FGFR4: variants seen among roughly 807,000 people sequenced by gnomAD.
FGFR4 encodes hydroxyaryl-protein kinase.
In FGFR4, 63 loss-of-function variants were observed where a neutral mutation model predicts 89.9. That is an observed-to-expected ratio of 0.70 (90% confidence interval 0.57 to 0.86). FGFR4 has a LOEUF of 0.86. Among genes scored for constraint, FGFR4 ranks in the 40% least tolerant of loss-of-function variants. FGFR4 has a pLI of 0.00. For synonymous variants in FGFR4, 486 were observed against 479.4 expected (o/e 1.01, Z -0.18); for missense variants, 928 against 1,106.7 (o/e 0.84, Z 2.29).
At chr5:177,089,936 T>C in intron 2 of FGFR4, 1 of 702,720 alleles carries the variant, frequency 1.4e-6, no homozygotes, top group Non-Finnish European at 2.6e-6. Context: ...GCTGCAGAGC[T>C]GGTGGTGAGC....
Position 177,093,871 on chromosome 5 carries a change from A to T in FGFR4, c.1519+96A>T. The T allele has an allele frequency of 7.2e-7, 1 of 1,393,158 alleles. No individual in the cohort carries two copies. The highest frequency in any genetic ancestry group is 9.7e-7 in the Non-Finnish European group (1 of 1,030,358). 86.3% of individuals were successfully genotyped at this position (1,393,158 alleles called of 1,614,324 possible). On this transcript the variant is annotated intron_variant, in intron 11 of 17. Transcript: ENST00000292408. This position sits in a 1 kb window ranked among gnomAD's most constrained non-coding sequence, Gnocchi z 5.8. ...CGCTTGAATCCAGGAATTCGAGGCC[A>T]GCCTGGGCAACATGGCAAGACTTCA...
At position 177,096,086 on chromosome 5, in the gene FGFR4, T is replaced by C. The variant is rs767857133; in HGVS notation, c.1851T>C (p.Asn617=). The C allele has an allele frequency of 3.1e-6, 5 of 1,614,084 alleles. No individual in the cohort carries two copies. The highest frequency in any genetic ancestry group is 4.2e-6 in the Non-Finnish European group (5 of 1,180,002). ...TCCACCGGGACCTGGCTGCCCGCAATGTGCTGGTGACTGAGGACAATGTGA... is the reference window on the plus strand; with the variant it reads ...TCCACCGGGACCTGGCTGCCCGCAACGTGCTGGTGACTGAGGACAATGTGA... ...KCIHRDLAAR[N]VLVTEDNVMK... is the part of the protein sequence containing the mutation. Residue 617 remains asparagine (N), a synonymous_variant, in exon 14 of 18, where the codon AAT becomes AAC. Transcript: ENST00000292408.
chr5:177,091,690 C>T lies in FGFR4; in HGVS notation c.609C>T (p.Arg203=). The T allele has an allele frequency of 6.2e-7, 1 of 1,614,210 alleles. No homozygotes were observed. Among genetic ancestry groups the T allele is most frequent in the Non-Finnish European group, 8.5e-7 (1 of 1,180,030 alleles). Reference sequence around the variant, plus strand: ...GACACTCTCTCTGCCTGCAGCTGCGCCATCAGCACTGGAGTCTCGTGATGG... The same window carrying T: ...GACACTCTCTCTGCCTGCAGCTGCGTCATCAGCACTGGAGTCTCGTGATGG... ...GENRIGGIRL[R]HQHWSLVMES... Residue 203 remains arginine (R), a synonymous_variant, in exon 6 of 18, where the codon CGC becomes CGT. Coordinates refer to ENST00000292408, the MANE Select transcript of FGFR4 (RefSeq NM_213647.3).
chr5:177,093,649 T>C lies in FGFR4; in HGVS notation c.1398-5T>C. On this transcript the variant is annotated splice_region_variant and splice_polypyrimidine_tract_variant and intron_variant, in intron 10 of 17. Transcript: ENST00000292408. This position sits in a 1 kb window ranked among gnomAD's most constrained non-coding sequence, Gnocchi z 5.8. ...GGTCTGAGGCTGGACTTTCTCCATCTCCAGGCTGGTGCTTGGGAAGCCCCT... is the reference window on the plus strand; with the variant it reads ...GGTCTGAGGCTGGACTTTCTCCATCCCCAGGCTGGTGCTTGGGAAGCCCCT... 3 of 1,614,166 alleles carry C rather than the reference T, an allele frequency of 1.9e-6. No individual in the cohort carries two copies. The highest frequency in any genetic ancestry group is 2.5e-6 in the Non-Finnish European group (3 of 1,180,026).
intron 8 of FGFR4, 74 bp downstream of exon 8, chr5:177,092,858 G>A (rs1042794950): frequency 4.5e-5 from 72 of 1,609,330 alleles, no homozygotes; most frequent in Non-Finnish European, 6.1e-5. Context: ...GGCCTGTTGG[G>A]TGGTCAGTCT....
chr5:177,097,474 C>T (rs780065696), intron 17 of FGFR4, 53 bp from the exon 18 acceptor site: 25 of 1,601,926 alleles, frequency 1.6e-5, no homozygotes, highest in African/African-American at 2.7e-5. Flanking sequence ...CGTGGACATG[C>T]GCCCCGTCCC....
At position 177,097,725 on chromosome 5, in the gene FGFR4, G is replaced by C. The variant is rs780927207; in HGVS notation, c.*49G>C. The stretch of plus-strand genomic sequence containing the variant: ...ACATAGGCTGGTGGCCTTGGGCCTT[G>C]GGGCTCAGCCACAGCCTGACACAGT... On this transcript the variant is annotated 3_prime_UTR_variant, in exon 18 of 18. Transcript: ENST00000292408. 8 of 1,591,280 alleles carry C rather than the reference G, an allele frequency of 5.0e-6. No individual in the cohort carries two copies. In the Admixed American group the frequency reaches 1.2e-4, roughly 24 times the overall value.
In FGFR4 at chr5:177,095,539, T is replaced by C; in HGVS notation, c.1637T>C (p.Leu546Pro). 1.2e-6 allele frequency: 2 copies of C among 1,611,352 alleles called. No individual in the cohort carries two copies. Among genetic ancestry groups the C allele is most frequent in the Non-Finnish European group, 1.7e-6 (2 of 1,178,684 alleles). ...LLGVCTQEGP[L>P]YVIVECAAKG... ...CCCTCCACTCCCTCTGCAGGGCCCC[T>C]GTACGTGATCGTGGAGTGCGCCGCC... The change falls in exon 13 of 18, where the codon CTG (leucine) becomes CCG (proline). Residue 546 changes from leucine (L) to proline (P), a missense_variant. By Grantham distance (98) the Leu-to-Pro change is moderately conservative. Transcript: ENST00000292408. The surrounding 1 kb of genome is among the most constrained non-coding windows in gnomAD (Gnocchi z 5.7).
intron 16 of FGFR4, among the ~76,000 whole-genome samples, 163 bp downstream of exon 16, chr5:177,096,904 C>A: frequency 8.6e-6 from 1 of 116,454 alleles, no homozygotes; most frequent in African/African-American, 3.5e-5. Context: ...TCCTCCTCCT[C>A]TTCCTCCTCC....
In FGFR4 at chr5:177,095,669, G is replaced by C; in HGVS notation, c.1767G>C (p.Leu589=). Residue 589 remains leucine (L), a synonymous_variant, in exon 13 of 18, where the codon CTG becomes CTC. Coordinates refer to ENST00000292408, the MANE Select transcript of FGFR4 (RefSeq NM_213647.3). The surrounding 1 kb of genome is among the most constrained non-coding windows in gnomAD (Gnocchi z 5.7). The stretch of plus-strand genomic sequence containing the variant: ...AGGGGCCGCTCTCCTTCCCAGTCCT[G>C]GTCTCCTGCGCCTACCAGGTGGCCC... ...SSEGPLSFPV[L]VSCAYQVARG... is the part of the protein sequence containing the mutation. The C allele has an allele frequency of 2.5e-6, 4 of 1,609,248 alleles. No homozygotes were observed. Among genetic ancestry groups the C allele is most frequent in the Non-Finnish European group, 3.4e-6 (4 of 1,178,910 alleles).
rs926675662 is a variant in FGFR4, at chr5:177,087,761, G to C, written c.-54+684G>C. The C allele has an allele frequency of 1.8e-4, 82 of 461,108 alleles. No individual in the cohort carries two copies. The highest frequency in any genetic ancestry group is 2.2e-4 in the Non-Finnish European group (78 of 351,004). The allele number at this position is 461,108 out of a possible 1,614,324, so 28.6% of individuals were successfully genotyped here. ...CCAAGGAGGATCCGACTGGATTCGA[G>C]AGTTGAGGTGGGCCAGAGACAGCAG... On this transcript the variant is annotated intron_variant, in intron 1 of 17. Coordinates refer to ENST00000292408, the MANE Select transcript of FGFR4 (RefSeq NM_213647.3). This position sits in a 1 kb window ranked among gnomAD's most constrained non-coding sequence, Gnocchi z 6.1.
At position 177,090,436 on chromosome 5, in the gene FGFR4, A is replaced by G. The variant is rs1455792482; in HGVS notation, c.138A>G (p.Thr46=). 1 of 1,605,956 alleles carries G rather than the reference A, an allele frequency of 6.2e-7. No homozygotes were observed. Among genetic ancestry groups the G allele is most frequent in the East Asian group, 2.2e-5 (1 of 44,866 alleles). ...TGGAGCAGCAAGAGCAGGAGCTGAC[A>G]GTAGCCCTTGGGCAGCCTGTGCGTC... ...PSLEQQEQEL[T]VALGQPVRLC... The change falls in exon 3 of 18, where the codon ACA becomes ACG. Residue 46 remains threonine (T), a synonymous_variant. Transcript: ENST00000292408.
chr5:177,097,324 C>T lies in FGFR4; in HGVS notation c.2186C>T (p.Ala729Val), dbSNP rs762248084. 12 of 1,609,922 alleles carry T rather than the reference C, an allele frequency of 7.5e-6. No homozygotes were observed. Among genetic ancestry groups the T allele is most frequent in the East Asian group, 2.2e-5 (1 of 44,646 alleles). Residue 729 changes from alanine to valine, a missense_variant, in exon 17 of 18, where the codon GCG (alanine) becomes GTG (valine). By Grantham distance (64) the Ala-to-Val change is moderately conservative (BLOSUM62 0). Around this residue, in one of 5 missense-constraint regions of FGFR4, gnomAD observed 129 missense variants for 150.8 expected, o/e 0.86. Coordinates refer to ENST00000292408, the MANE Select transcript of FGFR4 (RefSeq NM_213647.3). ...CTGATGCGTGAGTGCTGGCACGCAG[C>T]GCCCTCCCAGAGGCCTACCTTCAAG... Reference protein sequence around the residue: ...YGLMRECWHAAPSQRPTFKQL... With the variant: ...YGLMRECWHAVPSQRPTFKQL...
In FGFR4 at chr5:177,090,995, G is replaced by A. The variant is rs1263120442; in HGVS notation, c.494G>A (p.Gly165Glu). ...MEKKLHAVPA[G>E]NTVKFRCPAA... ...AAGAAACTGCATGCAGTACCTGCGG[G>A]GAACACCGTCAAGTTCCGCTGTCCA... Residue 165 changes from glycine to glutamate, a missense_variant, in exon 5 of 18, where the codon GGG (glycine) becomes GAG (glutamate). Physicochemically the swap from Gly to Glu is moderately conservative, Grantham distance 98. Coordinates refer to ENST00000292408, the MANE Select transcript of FGFR4 (RefSeq NM_213647.3). 6.2e-7 allele frequency: 1 copy of A among 1,613,768 alleles called. No individual in the cohort carries two copies. The highest frequency in any genetic ancestry group is 8.5e-7 in the Non-Finnish European group (1 of 1,179,816).
In FGFR4 at chr5:177,090,511, T is replaced by C. The variant is rs2149730881; in HGVS notation, c.213T>C (p.Ser71=). The change falls in exon 3 of 18, where the codon AGT becomes AGC. Residue 71 remains serine, a synonymous_variant. Coordinates refer to ENST00000292408, the MANE Select transcript of FGFR4 (RefSeq NM_213647.3). ...ERGGHWYKEG[S]RLAPAGRVRG... Reference sequence around the variant, plus strand: ...GTGGCCACTGGTACAAGGAGGGCAGTCGCCTGGCACCTGCTGGCCGTGTAC... The same window carrying C: ...GTGGCCACTGGTACAAGGAGGGCAGCCGCCTGGCACCTGCTGGCCGTGTAC... The C allele has an allele frequency of 6.4e-7, 1 of 1,566,528 alleles. No homozygotes were observed. Among genetic ancestry groups the C allele is most frequent in the African/African-American group, 1.4e-5 (1 of 73,994 alleles).
Position 177,095,490 on chromosome 5 carries a change from A to G in FGFR4, c.1631-43A>G. 5 of 1,613,336 alleles carry G rather than the reference A, an allele frequency of 3.1e-6. No homozygotes were observed. The highest frequency in any genetic ancestry group is 4.2e-6 in the Non-Finnish European group (5 of 1,179,676). On this transcript the variant is annotated intron_variant, in intron 12 of 17. Transcript: ENST00000292408. This position sits in a 1 kb window ranked among gnomAD's most constrained non-coding sequence, Gnocchi z 5.7. ...CACGGGCCGTTAGGGTGCAGAGCCA[A>G]AGCTTTGGCAGCCTCTCCACGCTCC...
At chr5:177,089,204 A>G (rs1784264475) in intron 1 of FGFR4, among the ~76,000 whole-genome samples, 1 of 152,180 alleles carries the variant, frequency 6.6e-6, no homozygotes, top group Non-Finnish European at 1.5e-5. Flanking sequence ...TTATTTAGCA[A>G]AAAAGAAATT....
Position 177,096,673 on chromosome 5 carries a change from G to A in FGFR4, c.2085G>A (p.Val695=). 6.2e-7 allele frequency: 1 copy of A among 1,611,176 alleles called. No individual in the cohort carries two copies. Among genetic ancestry groups the A allele is most frequent in the Non-Finnish European group, 8.5e-7 (1 of 1,178,568 alleles). The change falls in exon 16 of 18, where the codon GTG becomes GTA. Residue 695 remains valine, a synonymous_variant. Coordinates refer to ENST00000292408, the MANE Select transcript of FGFR4 (RefSeq NM_213647.3). ...LGGSPYPGIP[V]EELFSLLREG... Reference sequence around the variant, plus strand: ...GCTCCCCGTATCCTGGCATCCCGGTGGAGGAGCTGTTCTCGCTGCTGCGGG... The same window carrying A: ...GCTCCCCGTATCCTGGCATCCCGGTAGAGGAGCTGTTCTCGCTGCTGCGGG...
Position 177,090,664 on chromosome 5 carries a change from C to CT in FGFR4, c.355+12dup. Reference sequence around the variant, plus strand: ...CCTTGATTACAGGTGGTAAGAGACTCTAGCAGGGAGTGAAGGGATGCCTGG... The same window carrying CT: ...CCTTGATTACAGGTGGTAAGAGACTCTTAGCAGGGAGTGAAGGGATGCCTGG... On this transcript the variant is annotated intron_variant, in intron 3 of 17. Coordinates refer to ENST00000292408, the MANE Select transcript of FGFR4 (RefSeq NM_213647.3). 6.5e-7 allele frequency: 1 copy of CT among 1,530,494 alleles called. No homozygotes were observed. Among genetic ancestry groups the CT allele is most frequent in the Non-Finnish European group, 8.8e-7 (1 of 1,139,854 alleles). 94.8% of individuals were successfully genotyped at this position (1,530,494 alleles called of 1,614,324 possible).
Sources: gnomAD v4.1 joint callset for allele counts (sites outside exome capture counted in the v4.1 genomes callset) on GRCh38, gnomAD v4.1.1 for gene constraint, gnomAD v4.1.1 regional missense constraint, Gnocchi (gnomAD v3.1) non-coding constraint, MANE v1.5 for transcripts, NCBI Gene and HGNC (gene_info 2026-07-23, HGNC 2026-07-21) for gene names.